The following INAFM2 variants were observed in gnomAD, a reference collection of about 807,000 sequenced individuals.
INAFM2 encodes the protein InaF motif containing 2, also known as putative transmembrane protein INAFM2.
INAFM2 carries 3 observed loss-of-function variants against 5.6 expected under a neutral mutation model. The ratio of observed to expected loss-of-function variants is 0.54; its 90% CI spans 0.24 to 1.39. The LOEUF (loss-of-function observed/expected upper bound fraction) is 1.39. INAFM2 is among the 40% of genes most tolerant of loss of function. The pLI, the probability that INAFM2 is intolerant of heterozygous loss-of-function variation, is 0.16. For missense variants in INAFM2, 186 were observed against 217.5 expected (o/e 0.86, Z 0.91); for synonymous variants, 113 against 109.1 (o/e 1.04, Z -0.22).
rs1888793169 is a variant in INAFM2 at position 40,326,277 on chromosome 15, T to C, written c.*1760T>C. ...AGGCCTTTACATTTTTGGTGTGAGATGGGGAAGAAACATAAAATGCCACTT... is the reference window on the plus strand; with the variant it reads ...AGGCCTTTACATTTTTGGTGTGAGACGGGGAAGAAACATAAAATGCCACTT... On this transcript the variant is annotated 3_prime_UTR_variant, in exon 1 of 1. Coordinates refer to ENST00000638170, the MANE Select transcript of INAFM2 (RefSeq NM_001301268.2). 6.6e-6 allele frequency: 1 copy of C among 152,242 alleles called. No homozygotes were observed. 9.4% of individuals were successfully genotyped at this position (152,242 alleles called of 1,614,324 possible).
rs528894559 is a variant in INAFM2, at chr15:40,324,157, C to A, written c.102C>A (p.Val34=). Residue 34 remains valine, a synonymous_variant, in exon 1 of 1, where the codon GTC becomes GTA. Transcript: ENST00000638170. ...KMAAKTNKKW[V]RLATVFAYVL... ...CGGCCAAGACCAACAAGAAGTGGGT[C>A]CGGCTCGCCACCGTGTTCGCCTACG... 8.1e-7 allele frequency: 1 copy of A among 1,229,230 alleles called. No individual in the cohort carries two copies. The highest frequency in any genetic ancestry group is 1.0e-6 in the Non-Finnish European group (1 of 986,548). 76.1% of individuals were successfully genotyped at this position (1,229,230 alleles called of 1,614,324 possible).
At position 40,325,489 on chromosome 15, in the gene INAFM2, G is replaced by T. The variant is rs1888776440; in HGVS notation, c.*972G>T. On this transcript the variant is annotated 3_prime_UTR_variant, in exon 1 of 1. Coordinates refer to ENST00000638170, the MANE Select transcript of INAFM2 (RefSeq NM_001301268.2). ...ATTCTTTTAGGAAGAGCAAGCTTTT[G>T]TAAGTAGAGTGGCAAGTGTTTTTAT... 1 of 152,134 alleles carries T rather than the reference G, an allele frequency of 6.6e-6. No homozygotes were observed. The highest frequency in any genetic ancestry group is 6.5e-5 in the Admixed American group (1 of 15,282). 9.4% of individuals were successfully genotyped at this position (152,134 alleles called of 1,614,324 possible).
At position 40,323,989 on chromosome 15, in the gene INAFM2, C is replaced by T; in HGVS notation, c.-67C>T. 4 of 1,028,796 alleles carry T rather than the reference C, an allele frequency of 3.9e-6. No individual in the cohort carries two copies. The highest frequency in any genetic ancestry group is 5.0e-6 in the Non-Finnish European group (4 of 807,828). The allele number at this position is 1,028,796 out of a possible 1,614,324, so 63.7% of individuals were successfully genotyped here. A position where few individuals can be genotyped will look rare whatever the true frequency, so the allele number is the denominator to read the frequency against. On this transcript the variant is annotated 5_prime_UTR_variant, in exon 1 of 1. Transcript: ENST00000638170. The surrounding 1 kb of genome is among the most constrained non-coding windows in gnomAD (Gnocchi z 5.6). ...GCGCCGGGCCGCCCCCTGCCCAGTCCTTGCAGGCCGCCAGGCCCCCTCCAG... is the reference window on the plus strand; with the variant it reads ...GCGCCGGGCCGCCCCCTGCCCAGTCTTTGCAGGCCGCCAGGCCCCCTCCAG...
chr15:40,324,321 C>A lies in INAFM2; in HGVS notation c.266C>A (p.Ser89Ter), dbSNP rs1372911270. 2.6e-5 allele frequency: 32 copies of A among 1,226,578 alleles called. No homozygotes were observed. Among genetic ancestry groups the A allele is most frequent in the Non-Finnish European group, 3.0e-5 (30 of 984,998 alleles). The allele number at this position is 1,226,578 out of a possible 1,614,324, so 76.0% of individuals were successfully genotyped here. Residue 89 changes from serine to a stop codon, truncating the protein, a stop_gained, in exon 1 of 1, where the codon TCG becomes TAG. Coordinates refer to ENST00000638170, the MANE Select transcript of INAFM2 (RefSeq NM_001301268.2). LOFTEE classifies it high-confidence loss of function. ...GSNATGPSGT[S>*]GAAAAGPNTT... ...AACGCCACTGGCCCGTCTGGGACTT[C>A]GGGGGCGGCGGCGGCGGGGCCCAAC...
Position 40,323,994 on chromosome 15 carries a change from A to T in INAFM2, c.-62A>T. The T allele has an allele frequency of 9.4e-7, 1 of 1,058,890 alleles. No individual in the cohort carries two copies. The highest frequency in any genetic ancestry group is 1.2e-6 in the Non-Finnish European group (1 of 835,090). The allele number at this position is 1,058,890 out of a possible 1,614,324, so 65.6% of individuals were successfully genotyped here. ...GGGCCGCCCCCTGCCCAGTCCTTGC[A>T]GGCCGCCAGGCCCCCTCCAGCCGGG... is the stretch of plus-strand genomic sequence containing the variant. On this transcript the variant is annotated 5_prime_UTR_variant, in exon 1 of 1. Coordinates refer to ENST00000638170, the MANE Select transcript of INAFM2 (RefSeq NM_001301268.2). The surrounding 1 kb of genome is among the most constrained non-coding windows in gnomAD (Gnocchi z 5.6).
rs949378965 is a variant in INAFM2, at chr15:40,326,013, A to G, written c.*1496A>G. ...GCACTATTTTTTTTTTTAAAAGACA[A>G]CTTACCCACCTGAGTCCTGAAACAG... On this transcript the variant is annotated 3_prime_UTR_variant, in exon 1 of 1. Coordinates refer to ENST00000638170, the MANE Select transcript of INAFM2 (RefSeq NM_001301268.2). The G allele has an allele frequency of 6.6e-5, 10 of 152,112 alleles. No individual in the cohort carries two copies. Among genetic ancestry groups the G allele is most frequent in the African/African-American group, 2.4e-4 (10 of 41,492 alleles). The allele number at this position is 152,112 out of a possible 1,614,324, so 9.4% of individuals were successfully genotyped here. A position where few individuals can be genotyped will look rare whatever the true frequency, so the allele number is the denominator to read the frequency against.
rs1214470430 is a variant in INAFM2 at position 40,324,173 on chromosome 15, T to C, written c.118T>C (p.Phe40Leu). ...NKKWVRLATVFAYVLSVSLAA... is the reference protein window; with the variant it reads ...NKKWVRLATVLAYVLSVSLAA... ...GAAGTGGGTCCGGCTCGCCACCGTGTTCGCCTACGTGCTCTCCGTGTCGCT... is the reference window on the plus strand; with the variant it reads ...GAAGTGGGTCCGGCTCGCCACCGTGCTCGCCTACGTGCTCTCCGTGTCGCT... Residue 40 changes from phenylalanine (F) to leucine (L), a missense_variant, in exon 1 of 1, where the codon TTC (phenylalanine) becomes CTC (leucine). This residue lies in a region of INAFM2 where 38 missense variants were observed against 77.3 expected (regional missense o/e 0.49). Coordinates refer to ENST00000638170, the MANE Select transcript of INAFM2 (RefSeq NM_001301268.2). 4 of 1,229,170 alleles carry C rather than the reference T, an allele frequency of 3.3e-6. No individual in the cohort carries two copies. The highest frequency in any genetic ancestry group is 4.1e-6 in the Non-Finnish European group (4 of 986,462). The allele number at this position is 1,229,170 out of a possible 1,614,324, so 76.1% of individuals were successfully genotyped here.
At position 40,325,144 on chromosome 15, in the gene INAFM2, G is replaced by C. The variant is rs1888768520; in HGVS notation, c.*627G>C. 6.6e-6 allele frequency: 1 copy of C among 152,334 alleles called. No individual in the cohort carries two copies. Among genetic ancestry groups the C allele is most frequent in the African/African-American group, 2.4e-5 (1 of 41,574 alleles). 9.4% of individuals were successfully genotyped at this position (152,334 alleles called of 1,614,324 possible). A position where few individuals can be genotyped will look rare whatever the true frequency, so the allele number is the denominator to read the frequency against. On this transcript the variant is annotated 3_prime_UTR_variant, in exon 1 of 1. Coordinates refer to ENST00000638170, the MANE Select transcript of INAFM2 (RefSeq NM_001301268.2). ...TGCTGTCCCCCAAAAAGTACACCTG[G>C]CCAGAAGGGCACAAACACGGCTTCT...
At position 40,326,571 on chromosome 15, in the gene INAFM2, G is replaced by T. The variant is rs1888797494; in HGVS notation, c.*2054G>T. 6.6e-6 allele frequency: 1 copy of T among 152,200 alleles called. No individual in the cohort carries two copies. The highest frequency in any genetic ancestry group is 2.4e-5 in the African/African-American group (1 of 41,436). 9.4% of individuals were successfully genotyped at this position (152,200 alleles called of 1,614,324 possible). On this transcript the variant is annotated 3_prime_UTR_variant, in exon 1 of 1. Coordinates refer to ENST00000638170, the MANE Select transcript of INAFM2 (RefSeq NM_001301268.2). ...AGCCTTCACTGGAATTGGGACATTT[G>T]CTCCAGCCCTAGCTGTGAACATGAC...
chr15:40,324,505 C>T lies in INAFM2; in HGVS notation c.450C>T (p.Pro150=), dbSNP rs1555397369. The part of the protein sequence containing the change: ...DEDEEETAAA[P]GSR ...ACGAAGAGGAAACGGCGGCGGCGCCCGGGAGTCGTTGAAGCCCTCCGCGCT... is the reference window on the plus strand; with the variant it reads ...ACGAAGAGGAAACGGCGGCGGCGCCTGGGAGTCGTTGAAGCCCTCCGCGCT... The change falls in exon 1 of 1, where the codon CCC becomes CCT. Residue 150 remains proline, a synonymous_variant. Coordinates refer to ENST00000638170, the MANE Select transcript of INAFM2 (RefSeq NM_001301268.2). 2.4e-6 allele frequency: 3 copies of T among 1,227,964 alleles called. No individual in the cohort carries two copies. The highest frequency in any genetic ancestry group is 3.0e-6 in the Non-Finnish European group (3 of 985,474). 76.1% of individuals were successfully genotyped at this position (1,227,964 alleles called of 1,614,324 possible).
In INAFM2 at chr15:40,323,712, C is replaced by G; in HGVS notation, c.-344C>G. 6.7e-6 allele frequency: 1 copy of G among 148,346 alleles called. No homozygotes were observed. Among genetic ancestry groups the G allele is most frequent in the South Asian group, 1.8e-4 (1 of 5,642 alleles). The allele number at this position is 148,346 out of a possible 1,614,324, so 9.2% of individuals were successfully genotyped here. A position where few individuals can be genotyped will look rare whatever the true frequency, so the allele number is the denominator to read the frequency against. ...CGGCCACTGGAGACCAGGCGGCCGG[C>G]GGCCGGGCAGGCGGCGGCGGAGCGC... On this transcript the variant is annotated 5_prime_UTR_variant, in exon 1 of 1. Coordinates refer to ENST00000638170, the MANE Select transcript of INAFM2 (RefSeq NM_001301268.2). The surrounding 1 kb of genome is among the most constrained non-coding windows in gnomAD (Gnocchi z 5.6).
rs1445264538 is a variant in INAFM2 at position 40,325,928 on chromosome 15, A to G, written c.*1411A>G. The G allele has an allele frequency of 3.9e-5, 6 of 152,166 alleles. No homozygotes were observed. The highest frequency in any genetic ancestry group is 2.9e-5 in the Non-Finnish European group (2 of 68,022). The allele number at this position is 152,166 out of a possible 1,614,324, so 9.4% of individuals were successfully genotyped here. A position where few individuals can be genotyped will look rare whatever the true frequency, so the allele number is the denominator to read the frequency against. ...TCCTTCTGCCATTTGCTTTTAGGCA[A>G]TTGAGTGTGGGTAGTGATGAGATAT... On this transcript the variant is annotated 3_prime_UTR_variant, in exon 1 of 1. Coordinates refer to ENST00000638170, the MANE Select transcript of INAFM2 (RefSeq NM_001301268.2).
At position 40,325,387 on chromosome 15, in the gene INAFM2, A is replaced by G. The variant is rs957084807; in HGVS notation, c.*870A>G. 1.3e-5 allele frequency: 2 copies of G among 152,210 alleles called. No individual in the cohort carries two copies. Among genetic ancestry groups the G allele is most frequent in the Non-Finnish European group, 2.9e-5 (2 of 68,056 alleles). The allele number at this position is 152,210 out of a possible 1,614,324, so 9.4% of individuals were successfully genotyped here. A position where few individuals can be genotyped will look rare whatever the true frequency, so the allele number is the denominator to read the frequency against. ...GAGGCTTCTTGTTGCAGCCCTCAGT[A>G]TCTGGATATGGGCCAGGGAGGAAGG... On this transcript the variant is annotated 3_prime_UTR_variant, in exon 1 of 1. Transcript: ENST00000638170.
At position 40,324,525 on chromosome 15, in the gene INAFM2, C is replaced by A. The variant is rs907806358; in HGVS notation, c.*8C>A. 4.1e-6 allele frequency: 5 copies of A among 1,226,330 alleles called. No homozygotes were observed. The African/African-American group carries it at 4.7e-5, about 11-fold the overall frequency. The allele number at this position is 1,226,330 out of a possible 1,614,324, so 76.0% of individuals were successfully genotyped here. On this transcript the variant is annotated 3_prime_UTR_variant, in exon 1 of 1. Coordinates refer to ENST00000638170, the MANE Select transcript of INAFM2 (RefSeq NM_001301268.2). ...GCGCCCGGGAGTCGTTGAAGCCCTC[C>A]GCGCTGGGGGCCGCCGGGAACCATT...
At position 40,324,142 on chromosome 15, in the gene INAFM2, C is replaced by A. The variant is rs1888743128; in HGVS notation, c.87C>A (p.Thr29=). 2.4e-6 allele frequency: 3 copies of A among 1,229,412 alleles called. No homozygotes were observed. The South Asian group carries it at 1.2e-4, about 51-fold the overall frequency. The allele number at this position is 1,229,412 out of a possible 1,614,324, so 76.2% of individuals were successfully genotyped here. The change falls in exon 1 of 1, where the codon ACC becomes ACA. Residue 29 remains threonine (T), a synonymous_variant. Coordinates refer to ENST00000638170, the MANE Select transcript of INAFM2 (RefSeq NM_001301268.2). ...AGAAGGCGAAGATGGCGGCCAAGAC[C>A]AACAAGAAGTGGGTCCGGCTCGCCA... is the stretch of plus-strand genomic sequence containing the variant. The part of the protein sequence containing the change: ...GDKKAKMAAK[T]NKKWVRLATV...
At position 40,325,597 on chromosome 15, in the gene INAFM2, C is replaced by A. The variant is rs1270151702; in HGVS notation, c.*1080C>A. On this transcript the variant is annotated 3_prime_UTR_variant, in exon 1 of 1. Transcript: ENST00000638170. ...TCCCTCTTTCCTGAGCCTGTAGTGA[C>A]AAAGCCCGGCGATTTGGGATGAAAT... 6.6e-6 allele frequency: 1 copy of A among 152,022 alleles called. No homozygotes were observed. The highest frequency in any genetic ancestry group is 1.5e-5 in the Non-Finnish European group (1 of 68,034). The allele number at this position is 152,022 out of a possible 1,614,324, so 9.4% of individuals were successfully genotyped here.
In INAFM2 at chr15:40,324,496, G is replaced by C; in HGVS notation, c.441G>C (p.Ala147=). The C allele has an allele frequency of 8.2e-7, 1 of 1,225,942 alleles. No homozygotes were observed. Among genetic ancestry groups the C allele is most frequent in the Non-Finnish European group, 1.0e-6 (1 of 984,090 alleles). 75.9% of individuals were successfully genotyped at this position (1,225,942 alleles called of 1,614,324 possible). Residue 147 remains alanine (A), a synonymous_variant, in exon 1 of 1, where the codon GCG becomes GCC. Transcript: ENST00000638170. Reference sequence around the variant, plus strand: ...CGGACGAGGACGAAGAGGAAACGGCGGCGGCGCCCGGGAGTCGTTGAAGCC... The same window carrying C: ...CGGACGAGGACGAAGAGGAAACGGCCGCGGCGCCCGGGAGTCGTTGAAGCC... ...RGPDEDEEET[A]AAPGSR
Position 40,324,459 on chromosome 15 carries a change from G to A in INAFM2, c.404G>A (p.Arg135Gln). ...AGCCCCCCGGCCGGGCCGCTCGAGC[G>A]GCCTCGGGGGCCGGACGAGGACGAA... ...ADSPPAGPLE[R>Q]PRGPDEDEEE... The change falls in exon 1 of 1, where the codon CGG becomes CAG. Residue 135 changes from arginine (R) to glutamine (Q), a missense_variant. Physicochemically the swap from Arg to Gln is conservative, Grantham distance 43 (BLOSUM62 1). This residue lies in a region of INAFM2 where 148 missense variants were observed against 140.2 expected (regional missense o/e 1.06). Transcript: ENST00000638170. 8.2e-7 allele frequency: 1 copy of A among 1,225,962 alleles called. No individual in the cohort carries two copies. The highest frequency in any genetic ancestry group is 1.6e-5 in the African/African-American group (1 of 64,204). 75.9% of individuals were successfully genotyped at this position (1,225,962 alleles called of 1,614,324 possible).
Position 40,324,324 on chromosome 15 carries a change from G to T in INAFM2, c.269G>T (p.Gly90Val), listed in dbSNP as rs1049464554. 3 of 1,226,666 alleles carry T rather than the reference G, an allele frequency of 2.4e-6. No individual in the cohort carries two copies. Among genetic ancestry groups the T allele is most frequent in the Non-Finnish European group, 3.0e-6 (3 of 984,930 alleles). The allele number at this position is 1,226,666 out of a possible 1,614,324, so 76.0% of individuals were successfully genotyped here. ...GCCACTGGCCCGTCTGGGACTTCGG[G>T]GGCGGCGGCGGCGGGGCCCAACACC... The part of the protein sequence containing the change: ...SNATGPSGTS[G>V]AAAAGPNTTG... Residue 90 changes from glycine to valine, a missense_variant, in exon 1 of 1, where the codon GGG becomes GTG. By Grantham distance (109) the Gly-to-Val change is moderately radical. Around this residue, in one of 2 missense-constraint regions of INAFM2, gnomAD observed 148 missense variants for 140.2 expected, o/e 1.06. Coordinates refer to ENST00000638170, the MANE Select transcript of INAFM2 (RefSeq NM_001301268.2).
Sources: gnomAD v4.1 joint callset for allele counts on GRCh38, gnomAD v4.1.1 for gene constraint, gnomAD v4.1.1 regional missense constraint, Gnocchi (gnomAD v3.1) non-coding constraint, MANE v1.5 for transcripts, NCBI Gene and HGNC (gene_info 2026-07-23, HGNC 2026-07-21) for gene names.